ICA1L: variants seen among roughly 807,000 people sequenced by gnomAD.
The protein encoded by ICA1L is islet cell autoantigen 1-like protein.
A neutral mutation model predicts 61.3 loss-of-function variants in ICA1L; 50 were observed. That is an observed-to-expected ratio of 0.82 (90% CI 0.65 to 1.03). The LOEUF (loss-of-function observed/expected upper bound fraction) is 1.03. Ranked by LOEUF, ICA1L falls within the 50% of genes least tolerant of loss-of-function variation. The pLI, the probability that ICA1L is intolerant of heterozygous loss-of-function variation, is 0.00. For missense variants in ICA1L, 508 were observed against 556.7 expected (o/e 0.91, Z 0.88); for synonymous variants, 161 against 191.3 (o/e 0.84, Z 1.31).
intron 1 of ICA1L, among the ~76,000 whole-genome samples, chr2:202,845,274 G>C (rs72934711): frequency 0.088 from 13,460 of 152,166 alleles, 738 homozygotes; most frequent in Non-Finnish European, 0.12. Flanking sequence ...TTCTACTACA[G>C]CCTCTATCAG....
rs1317836567 is a variant in ICA1L, at chr2:202,776,802, T to C, written c.*2731A>G. ...AAAGAAGAAATGTTATAGAAACTAG[T>C]AACAGAATAATAAAAGTCCCTTGTA... On this transcript the variant is annotated 3_prime_UTR_variant, in exon 13 of 13. Transcript: ENST00000358299. The C allele has an allele frequency of 6.6e-6, 1 of 152,166 alleles. No individual in the cohort carries two copies. Among genetic ancestry groups the C allele is most frequent in the Non-Finnish European group, 1.5e-5 (1 of 68,042 alleles). The allele number at this position is 152,166 out of a possible 1,614,324, so 9.4% of individuals were successfully genotyped here.
intron 1 of ICA1L, among the ~76,000 whole-genome samples, chr2:202,858,122 A>T (rs922748824): frequency 6.6e-6 from 1 of 152,240 alleles, no homozygotes; most frequent in Non-Finnish European, 1.5e-5. Context: ...ATTACTTGGT[A>T]TATACCCAAA....
At chr2:202,802,909 A>G (rs1693121870) in intron 9 of ICA1L, among the ~76,000 whole-genome samples, 1 of 152,210 alleles carries the variant, frequency 6.6e-6, no homozygotes, top group African/African-American at 2.4e-5. Context: ...AAAAACCTCA[A>G]ATAGTTCAAA....
At chr2:202,845,495 C>T (rs35360195) in intron 1 of ICA1L, among the ~76,000 whole-genome samples, 2,708 of 152,064 alleles carry the variant, frequency 0.018, 43 homozygotes, top group Admixed American at 0.029. Flanking sequence ...GGCGTGGTGG[C>T]AGGCACCTGT....
At chr2:202,796,540 ATGAC>A (rs1692931306) in intron 10 of ICA1L, among the ~76,000 whole-genome samples, 2 of 152,196 alleles carry the variant, frequency 1.3e-5, no homozygotes, top group African/African-American at 4.8e-5. Flanking sequence ...TTAATGTTGA[ATGAC>A]ATTTACTATT....
At position 202,851,751 on chromosome 2, in the gene ICA1L, C is replaced by G. The variant is rs148124292; in HGVS notation, c.-8+19868G>C. Among the ~76,000 whole-genome samples the G allele has an allele frequency of 7.6e-3, 1,159 of 152,276 alleles. 9 individuals carry two copies. The highest frequency in any genetic ancestry group is 0.012 in the Non-Finnish European group (821 of 68,026). ...CATGGTGGTTTTGATTTGCATTTCT[C>G]TGATGGCCAGTGATGACGAGCATTT... On this transcript the variant is annotated intron_variant, in intron 1 of 12. Transcript: ENST00000358299.
intron 1 of ICA1L, among the ~76,000 whole-genome samples, chr2:202,859,261 A>T (rs1006833439): frequency 1.3e-5 from 2 of 152,208 alleles, no homozygotes; most frequent in Non-Finnish European, 2.9e-5. Context: ...AATTGAATTC[A>T]GATTATAAAT....
chr2:202,785,555 G>C lies in ICA1L; in HGVS notation c.1333+363C>G, dbSNP rs1692554046. The stretch of plus-strand genomic sequence containing the variant: ...CTGCCTCAGCCTCCCGATTAGCTGG[G>C]ACTACAGGTGCCCGCCACCATGCTT... On this transcript the variant is annotated intron_variant, in intron 12 of 12. Transcript: ENST00000358299. Among the ~76,000 whole-genome samples the C allele has an allele frequency of 2.0e-5, 3 of 152,154 alleles. No homozygotes were observed. In the South Asian group the frequency reaches 6.2e-4, roughly 31 times the overall value.
chr2:202,786,909 G>A, intron 11 of ICA1L: 1 of 341,092 alleles, frequency 2.9e-6, no homozygotes, highest in Non-Finnish European at 5.7e-6. Flanking sequence ...GCTACAACAT[G>A]AAAAACCATT....
At chr2:202,782,465 T>C (rs1339903555) in intron 12 of ICA1L, among the ~76,000 whole-genome samples, 2 of 151,586 alleles carry the variant, frequency 1.3e-5, no homozygotes, top group African/African-American at 4.8e-5. Context: ...TGGAGGGCAA[T>C]GGTATGATCT....
chr2:202,862,729 C>T (rs1289822976), intron 1 of ICA1L, among the ~76,000 whole-genome samples: 2 of 150,942 alleles, frequency 1.3e-5, no homozygotes, highest in African/African-American at 2.4e-5. Context: ...CCCAGCTACT[C>T]GGGAGGCTGA....
intron 11 of ICA1L, among the ~76,000 whole-genome samples, chr2:202,787,676 G>A (rs1692629445): frequency 6.6e-6 from 1 of 152,294 alleles, no homozygotes; most frequent in East Asian, 1.9e-4. Flanking sequence ...TGTAGATAGA[G>A]CATGTACCTC....
chr2:202,835,215 CTTTTT>C (rs544503963), intron 1 of ICA1L, among the ~76,000 whole-genome samples: 43 of 120,634 alleles, frequency 3.6e-4, no homozygotes, highest in African/African-American at 5.7e-4. Context: ...TGATTTCTTC[CTTTTT>C]TTTTTTTTTT....
intron 1 of ICA1L, among the ~76,000 whole-genome samples, chr2:202,857,943 T>C (rs2105886509): frequency 6.6e-6 from 1 of 152,288 alleles, no homozygotes; most frequent in South Asian, 2.1e-4. Context: ...CCAGTTAGAA[T>C]GATGATCATT....
At chr2:202,786,799 CAATA>C (rs758608232) in intron 11 of ICA1L, 3 of 435,336 alleles carry the variant, frequency 6.9e-6, no homozygotes, top group South Asian at 3.3e-5. Context: ...CAAGTAGAAA[CAATA>C]AGGAAGGAAT....
chr2:202,831,358 T>TA (rs1200310415), intron 1 of ICA1L, among the ~76,000 whole-genome samples: 1 of 152,192 alleles, frequency 6.6e-6, no homozygotes, highest in Non-Finnish European at 1.5e-5. Flanking sequence ...GAGAGAAACT[T>TA]AGTTTTTCTT....
At chr2:202,854,143 C>T (rs1194275381) in intron 1 of ICA1L, among the ~76,000 whole-genome samples, 1 of 151,728 alleles carries the variant, frequency 6.6e-6, no homozygotes, top group Non-Finnish European at 1.5e-5. Flanking sequence ...ATTCAGGAGA[C>T]CTATCTCATG....
chr2:202,862,671 T>C (rs1193938297), intron 1 of ICA1L, among the ~76,000 whole-genome samples: 1 of 151,284 alleles, frequency 6.6e-6, no homozygotes, highest in African/African-American at 2.4e-5. Flanking sequence ...ACCCCGTCTC[T>C]ACTAAAAATA....
At chr2:202,821,320 T>G (rs1310225787) in intron 4 of ICA1L, 38 bp downstream of exon 4, 1 of 1,596,386 alleles carries the variant, frequency 6.3e-7, no homozygotes, top group Non-Finnish European at 8.5e-7. Flanking sequence ...ACTGTCAGAT[T>G]GACTACAGAT....
Sources: allele counts gnomAD v4.1 joint callset (sites outside exome capture counted in the v4.1 genomes callset), GRCh38; gene constraint gnomAD v4.1.1; transcripts MANE v1.5; gene names NCBI Gene and HGNC (gene_info 2026-07-23, HGNC 2026-07-21).